The following NSF variants were observed in gnomAD, a reference collection of about 807,000 sequenced individuals.
NSF encodes N-ethylmaleimide sensitive factor, vesicle fusing ATPase.
NSF carries 14 observed loss-of-function variants against 50.3 expected under a neutral mutation model. That is an observed-to-expected ratio of 0.28 (90% confidence interval 0.18 to 0.44). The LOEUF (loss-of-function observed/expected upper bound fraction) is 0.44. Among genes scored for constraint, NSF ranks in the 20% least tolerant of loss-of-function variants. The pLI is 1.00. For missense variants in NSF, 218 were observed against 504.3 expected, an observed-to-expected ratio of 0.43 and a Z score of 5.44; for synonymous variants, 109 against 175.7, an observed-to-expected ratio of 0.62 and a Z score of 3.00.
intron 13 of NSF, among the ~76,000 whole-genome samples, chr17:46,708,085 A>T (rs2058674561): frequency 6.6e-6 from 1 of 151,556 alleles, no homozygotes; most frequent in Non-Finnish European, 1.5e-5. Context: ...GTTGTTATCC[A>T]TTCCTCTGTC....
chr17:46,642,271 A>G (rs1204008535), intron 7 of NSF, among the ~76,000 whole-genome samples: 1 of 111,744 alleles, frequency 8.9e-6, no homozygotes. Context: ...ACATTGTAGA[A>G]TGATCAAATC....
chr17:46,747,374 T>C (rs1014171713), intron 17 of NSF, among the ~76,000 whole-genome samples: 1 of 152,058 alleles, frequency 6.6e-6, no homozygotes, highest in Admixed American at 6.5e-5. Context: ...TCAAACTCCT[T>C]GGCTCAAGCG....
At position 46,755,924 on chromosome 17, in the gene NSF, C is replaced by G; in HGVS notation, c.*101C>G. On this transcript the variant is annotated 3_prime_UTR_variant, in exon 21 of 21. Coordinates refer to ENST00000398238, the MANE Select transcript of NSF (RefSeq NM_006178.4). ...ACTCAAGATACTGGACTAAGTGGAA[C>G]GTTCTCTACCTTCAACATGTGCTCG... 1.8e-6 allele frequency: 2 copies of G among 1,139,356 alleles called. No homozygotes were observed. Among genetic ancestry groups the G allele is most frequent in the Non-Finnish European group, 2.6e-6 (2 of 778,946 alleles). 70.6% of individuals were successfully genotyped at this position (1,139,356 alleles called of 1,614,324 possible).
At chr17:46,663,150 T>TA (rs966545837) in intron 8 of NSF, among the ~76,000 whole-genome samples, 2 of 82,518 alleles carry the variant, frequency 2.4e-5, no homozygotes, top group Non-Finnish European at 5.3e-5. Flanking sequence ...CATATACACT[T>TA]AAAAAAAATA....
intron 13 of NSF, among the ~76,000 whole-genome samples, chr17:46,708,645 C>A (rs1231451206): frequency 6.7e-6 from 1 of 149,846 alleles, no homozygotes; most frequent in Non-Finnish European, 1.5e-5. Context: ...GCACCCATCA[C>A]CATGCCCGGC....
At chr17:46,711,177 A>T in intron 14 of NSF, 58 bp downstream of exon 14, 1 of 1,412,192 alleles carries the variant, frequency 7.1e-7, no homozygotes, top group Non-Finnish European at 9.3e-7. Flanking sequence ...AGCATTTTTT[A>T]AAAGCCCGTA....
At chr17:46,740,467 G>A (rs1425446888) in intron 17 of NSF, among the ~76,000 whole-genome samples, 1 of 152,122 alleles carries the variant, frequency 6.6e-6, no homozygotes, top group South Asian at 2.1e-4. Flanking sequence ...GAACACAGGG[G>A]TCAATTTAGG....
At chr17:46,605,500 T>C (rs1443640900) in intron 1 of NSF, among the ~76,000 whole-genome samples, 1 of 145,758 alleles carries the variant, frequency 6.9e-6, no homozygotes, top group Non-Finnish European at 1.5e-5. Flanking sequence ...TCAACAAGTA[T>C]TTGGCTGTCA....
At chr17:46,691,881 T>C (rs963882088) in intron 9 of NSF, among the ~76,000 whole-genome samples, 7 of 150,948 alleles carry the variant, frequency 4.6e-5, no homozygotes, top group African/African-American at 9.8e-5. Flanking sequence ...GCCTCCAGAG[T>C]AGCTGGGATT....
intron 16 of NSF, among the ~76,000 whole-genome samples, chr17:46,728,480 C>T (rs954130996): frequency 6.6e-6 from 1 of 151,626 alleles, no homozygotes; most frequent in Non-Finnish European, 1.5e-5. Context: ...TTTATAGAGC[C>T]GAGTACAGTG....
chr17:46,722,572 C>T, intron 15 of NSF, among the ~76,000 whole-genome samples: 1 of 152,184 alleles, frequency 6.6e-6, no homozygotes, highest in South Asian at 2.1e-4. Flanking sequence ...CAGCTAACCT[C>T]ACGTACTTGC....
chr17:46,711,181 G>A (rs1438446537), intron 14 of NSF, 62 bp downstream of exon 14: 4 of 1,395,920 alleles, frequency 2.9e-6, no homozygotes, highest in Non-Finnish European at 3.8e-6. Flanking sequence ...TTTTTTAAAA[G>A]CCCGTAAGCA....
chr17:46,598,635 CG>C (rs1483905978), intron 1 of NSF, among the ~76,000 whole-genome samples: 1 of 151,918 alleles, frequency 6.6e-6, no homozygotes, highest in Non-Finnish European at 1.5e-5. Flanking sequence ...TAAAATTTGT[CG>C]AATCTAGTGT....
chr17:46,727,702 CT>C (rs2058905215), intron 16 of NSF, among the ~76,000 whole-genome samples: 1 of 152,068 alleles, frequency 6.6e-6, no homozygotes, highest in Non-Finnish European at 1.5e-5. Context: ...TCTTTAAAAG[CT>C]TTTAGGCACA....
chr17:46,723,330 A>T (rs921126351), intron 15 of NSF, among the ~76,000 whole-genome samples: 5 of 152,214 alleles, frequency 3.3e-5, no homozygotes. Context: ...TGTTTTGAAA[A>T]GCAAAGCATT....
chr17:46,728,625 T>C (rs1440602187), intron 16 of NSF, among the ~76,000 whole-genome samples: 1 of 152,088 alleles, frequency 6.6e-6, no homozygotes, highest in African/African-American at 2.4e-5. Context: ...TAAGAGTTCT[T>C]ATATTTTAAG....
chr17:46,713,653 T>G (rs1019756784), intron 14 of NSF, among the ~76,000 whole-genome samples, 200 bp from the exon 15 acceptor site: 3 of 152,222 alleles, frequency 2.0e-5, no homozygotes, highest in Admixed American at 1.3e-4. Flanking sequence ...TTCACCATAC[T>G]TTTGAGAAAT....
intron 9 of NSF, among the ~76,000 whole-genome samples, chr17:46,688,381 T>G (rs919480361): frequency 2.8e-5 from 4 of 140,632 alleles, no homozygotes; most frequent in Non-Finnish European, 6.1e-5. Context: ...AAAACTTTAC[T>G]GAGAGACGTA....
At chr17:46,598,908 C>T (rs1449020503) in intron 1 of NSF, among the ~76,000 whole-genome samples, 2 of 143,556 alleles carry the variant, frequency 1.4e-5, no homozygotes, top group African/African-American at 5.3e-5. Context: ...CAACTTTCTG[C>T]AGTCTTACAT....
Sources: allele counts gnomAD v4.1 joint callset (sites outside exome capture counted in the v4.1 genomes callset), GRCh38; gene constraint gnomAD v4.1.1; transcripts MANE v1.5; gene names NCBI Gene and HGNC (gene_info 2026-07-23, HGNC 2026-07-21).